ASMTL: variants seen among roughly 807,000 people sequenced by gnomAD.
The protein encoded by ASMTL is acetylserotonin O-methyltransferase like, also known as probable bifunctional dTTP/UTP pyrophosphatase/methyltransferase protein.
Under a neutral mutation model 60.3 loss-of-function variants are expected in ASMTL, and 57 were observed. The observed-to-expected ratio is 0.95, with a 90% CI of 0.76 to 1.18. The LOEUF (loss-of-function observed/expected upper bound fraction) is 1.18. ASMTL is among the 50% of genes most tolerant of loss of function. ASMTL has a pLI of 0.00. For synonymous variants in ASMTL, 419 were observed against 373.0 expected, an observed-to-expected ratio of 1.12 and a Z score of -1.42; for missense variants, 981 against 852.6, an observed-to-expected ratio of 1.15 and a Z score of -1.88.
intron 5 of ASMTL, 41 bp downstream of exon 5, chrX:1,434,981 C>T: frequency 6.2e-7 from 1 of 1,612,038 alleles, no homozygotes; most frequent in South Asian, 1.1e-5. Flanking sequence ...GGGTCCTTGT[C>T]TCGGCCTCTG....
intron 12 of ASMTL, among the ~76,000 whole-genome samples, chrX:1,404,103 G>A (rs2089700553): frequency 6.6e-6 from 1 of 151,788 alleles, no homozygotes; most frequent in Admixed American, 6.6e-5. Flanking sequence ...GTAGGAAGAT[G>A]AATAGATGGG....
intron 1 of ASMTL, among the ~76,000 whole-genome samples, chrX:1,448,983 C>T (rs2091291825): frequency 6.6e-6 from 1 of 152,176 alleles, no homozygotes; most frequent in Admixed American, 6.5e-5. Context: ...TGACCAGAAA[C>T]AGTCAAAGCC....
chrX:1,445,666 G>GTATTT (rs2091216149), intron 1 of ASMTL, among the ~76,000 whole-genome samples: 1 of 152,134 alleles, frequency 6.6e-6, no homozygotes, highest in Non-Finnish European at 1.5e-5. Flanking sequence ...AGCTCTTCCG[G>GTATTT]TATATGATAA....
At chrX:1,416,704 T>C (rs1203967949) in intron 11 of ASMTL, among the ~76,000 whole-genome samples, 7 of 145,210 alleles carry the variant, frequency 4.8e-5, no homozygotes, top group South Asian at 2.2e-4. Context: ...AGAGACACAT[T>C]CTTACGCACG....
chrX:1,439,214 T>C, intron 2 of ASMTL, 70 bp from the exon 3 acceptor site: 2 of 1,548,262 alleles, frequency 1.3e-6, no homozygotes, highest in Middle Eastern at 1.7e-4. Context: ...TTCCCGTCGG[T>C]ACGGGCGTGA....
At chrX:1,413,403 A>G (rs1349423922) in intron 11 of ASMTL, among the ~76,000 whole-genome samples, 2 of 152,168 alleles carry the variant, frequency 1.3e-5, no homozygotes, top group African/African-American at 4.8e-5. Flanking sequence ...CGAGGCAGGC[A>G]GAGTCGGCGC....
intron 7 of ASMTL, among the ~76,000 whole-genome samples, chrX:1,427,524 C>A (rs4604639): frequency 6.7e-6 from 1 of 148,802 alleles, no homozygotes; most frequent in Non-Finnish European, 1.5e-5. Context: ...TGGAGTGATG[C>A]GGCCACAAGC....
intron 11 of ASMTL, among the ~76,000 whole-genome samples, chrX:1,417,031 A>G (rs1160784369): frequency 1.7e-4 from 4 of 23,118 alleles, no homozygotes; most frequent in African/African-American, 2.1e-4. Context: ...ACACAGAGAC[A>G]CAGACACAAG....
intron 11 of ASMTL, 83 bp downstream of exon 11, chrX:1,417,890 T>C: frequency 8.0e-6 from 12 of 1,507,918 alleles, no homozygotes; most frequent in Non-Finnish European, 1.1e-5. Flanking sequence ...GAAACACAGG[T>C]GCACACACAG....
chrX:1,432,167 G>C, intron 6 of ASMTL, 102 bp downstream of exon 6: 1 of 947,144 alleles, frequency 1.1e-6, no homozygotes, highest in East Asian at 2.6e-5. Context: ...CCCCCGGAGC[G>C]GGGCCTCCTT....
intron 1 of ASMTL, among the ~76,000 whole-genome samples, chrX:1,448,124 C>A (rs2091269020): frequency 6.6e-6 from 1 of 151,008 alleles, no homozygotes; most frequent in Non-Finnish European, 1.5e-5. Context: ...CTTGGACACA[C>A]ACCATCTTGG....
intron 9 of ASMTL, among the ~76,000 whole-genome samples, chrX:1,420,709 A>C (rs1194194150): frequency 1.3e-5 from 2 of 152,250 alleles, no homozygotes. Flanking sequence ...AGCGCTTTGC[A>C]AACAGCGGCC....
intron 9 of ASMTL, among the ~76,000 whole-genome samples, chrX:1,419,743 C>T (rs374871579): frequency 5.5e-4 from 84 of 152,314 alleles, no homozygotes; most frequent in Non-Finnish European, 9.9e-4. Flanking sequence ...GCAGGACAGC[C>T]GGTCTCCATC....
At chrX:1,419,139 G>C in intron 9 of ASMTL, 25 bp from the exon 10 acceptor site, 4 of 1,609,210 alleles carry the variant, frequency 2.5e-6, no homozygotes, top group Non-Finnish European at 3.4e-6. Flanking sequence ...GTGCTTAGGG[G>C]CACCAGAGAA....
In ASMTL at chrX:1,406,597, T is replaced by C. The variant is rs747769766; in HGVS notation, c.1646-3108A>G. Reference sequence around the variant, plus strand: ...GGCATGGATGAGATGGATGTATGGGTGAATAGATAGGTAGGTAGGTAGATG... The same window carrying C: ...GGCATGGATGAGATGGATGTATGGGCGAATAGATAGGTAGGTAGGTAGATG... On this transcript the variant is annotated intron_variant, in intron 12 of 12. Coordinates refer to ENST00000381317, the MANE Select transcript of ASMTL (RefSeq NM_004192.4). Among the ~76,000 whole-genome samples the C allele has an allele frequency of 2.0e-5, 3 of 147,786 alleles. No homozygotes were observed. In the South Asian group the frequency reaches 6.5e-4, roughly 32 times the overall value.
intron 6 of ASMTL, chrX:1,431,795 C>T (rs1257794639): frequency 2.5e-5 from 4 of 157,358 alleles, no homozygotes; most frequent in African/African-American, 7.3e-5. Flanking sequence ...AAATATAATA[C>T]ATATAAACGC....
rs1165046060 is a variant in ASMTL at position 1,416,344 on chromosome X, TACAG to T, written c.1522+1625_1522+1628del. Among the ~76,000 whole-genome samples, 15 of 67,036 alleles carry T rather than the reference TACAG, an allele frequency of 2.2e-4. No individual in the cohort carries two copies. The East Asian group carries it at 6.6e-3, about 30-fold the overall frequency. 44.0% of individuals were successfully genotyped at this position (67,036 alleles called of 152,430 possible). A position where few individuals can be genotyped will look rare whatever the true frequency, so the allele number is the denominator to read the frequency against. ...ACACACACACACACGGACATACAGATACAGTGACAGGCACACACAGACGCAGACA... is the reference window on the plus strand; with the variant it reads ...ACACACACACACACGGACATACAGATTGACAGGCACACACAGACGCAGACA... On this transcript the variant is annotated intron_variant, in intron 11 of 12. Coordinates refer to ENST00000381317, the MANE Select transcript of ASMTL (RefSeq NM_004192.4).
At chrX:1,434,952 A>T in intron 5 of ASMTL, 70 bp downstream of exon 5, 1 of 1,568,964 alleles carries the variant, frequency 6.4e-7, no homozygotes, top group Non-Finnish European at 8.8e-7. Context: ...CCTCAAGCCA[A>T]GGGTCCCGAG....
chrX:1,407,868 CACAG>C (rs2089924653), intron 12 of ASMTL, among the ~76,000 whole-genome samples: 1 of 151,490 alleles, frequency 6.6e-6, no homozygotes, highest in African/African-American at 2.4e-5. Flanking sequence ...CCTAAAAAGA[CACAG>C]AGAGGAGGAG....
Sources: allele counts gnomAD v4.1 joint callset (sites outside exome capture counted in the v4.1 genomes callset), GRCh38; gene constraint gnomAD v4.1.1; transcripts MANE v1.5; gene names NCBI Gene and HGNC (gene_info 2026-07-23, HGNC 2026-07-21).